The following ELAVL2 variants were observed in gnomAD, a reference collection of about 807,000 sequenced individuals.
ELAVL2 encodes the protein ELAV-like protein 2.
In ELAVL2, 4 loss-of-function variants were observed where a neutral mutation model predicts 34.6. That is an observed-to-expected ratio of 0.12 (90% CI 0.06 to 0.26). The LOEUF is 0.26. ELAVL2 is among the 10% of genes least tolerant of loss of function. The probability of loss-of-function intolerance (pLI) is 1.00; values close to 1 mark genes in which losing one functional copy is unlikely to be tolerated. For missense variants in ELAVL2, 432 were observed against 442.8 expected, an observed-to-expected ratio of 0.98 and a Z score of 0.22; for synonymous variants, 193 against 154.8, an observed-to-expected ratio of 1.25 and a Z score of -1.83.
intron 1 of ELAVL2, among the ~76,000 whole-genome samples, chr9:23,766,291 A>G (rs1256240242): frequency 5.3e-5 from 8 of 152,112 alleles, no homozygotes; most frequent in Admixed American, 2.0e-4. Flanking sequence ...GTCTGACCCT[A>G]TGTTATTTTT....
chr9:23,797,258 G>A (rs1171749632), intron 1 of ELAVL2, among the ~76,000 whole-genome samples: 1 of 152,030 alleles, frequency 6.6e-6, no homozygotes, highest in African/African-American at 2.4e-5. Context: ...AAACACAGGC[G>A]TTTTCAAAAA....
intron 5 of ELAVL2, among the ~76,000 whole-genome samples, chr9:23,699,319 C>G (rs370718979): frequency 6.6e-6 from 1 of 152,256 alleles, no homozygotes; most frequent in East Asian, 1.9e-4. Context: ...GGCACTCTCC[C>G]AAATCCTGTC....
intron 2 of ELAVL2, among the ~76,000 whole-genome samples, chr9:23,734,468 A>T (rs1055891455): frequency 6.6e-6 from 1 of 152,190 alleles, no homozygotes; most frequent in Non-Finnish European, 1.5e-5. Context: ...TCAGGACTTG[A>T]AGTCAGGACT....
intron 2 of ELAVL2, among the ~76,000 whole-genome samples, chr9:23,741,936 A>G (rs2049304748): frequency 6.6e-6 from 1 of 152,130 alleles, no homozygotes; most frequent in South Asian, 2.1e-4. Flanking sequence ...CAAGCAGCTG[A>G]ACCTGGGTTC....
intron 1 of ELAVL2, among the ~76,000 whole-genome samples, chr9:23,825,292 G>A (rs1461180104): frequency 1.3e-5 from 2 of 148,480 alleles, no homozygotes; most frequent in African/African-American, 4.8e-5. Flanking sequence ...GCCTGGTGCA[G>A]CATCTAAATT....
chr9:23,732,392 T>C (rs2046794485), intron 2 of ELAVL2, among the ~76,000 whole-genome samples: 1 of 152,186 alleles, frequency 6.6e-6, no homozygotes, highest in African/African-American at 2.4e-5. Context: ...TCACTGCTAA[T>C]ATATGTCCTC....
intron 1 of ELAVL2, among the ~76,000 whole-genome samples, chr9:23,788,082 T>G (rs967165283): frequency 1.3e-5 from 2 of 152,300 alleles, no homozygotes; most frequent in Admixed American, 6.5e-5. Context: ...TTTAAGACTG[T>G]AGGTAAGAAG....
chr9:23,748,677 T>A (rs1051383672), intron 2 of ELAVL2, among the ~76,000 whole-genome samples: 1 of 152,186 alleles, frequency 6.6e-6, no homozygotes, highest in African/African-American at 2.4e-5. Flanking sequence ...AAATTCAGTA[T>A]TTTAATTGGA....
At chr9:23,787,248 G>A (rs1263942722) in intron 1 of ELAVL2, among the ~76,000 whole-genome samples, 1 of 151,700 alleles carries the variant, frequency 6.6e-6, no homozygotes. Context: ...AATAAAATGG[G>A]TCATTTCATC....
intron 1 of ELAVL2, among the ~76,000 whole-genome samples, chr9:23,816,259 T>TC (rs1205848077): frequency 7.6e-6 from 1 of 132,342 alleles, no homozygotes; most frequent in Non-Finnish European, 1.5e-5. Flanking sequence ...CAACTATCAT[T>TC]CCCTAGTCCC....
intron 1 of ELAVL2, among the ~76,000 whole-genome samples, chr9:23,803,743 G>T (rs1267855402): frequency 6.6e-6 from 1 of 152,160 alleles, no homozygotes; most frequent in Non-Finnish European, 1.5e-5. Flanking sequence ...GGGGGTTGCG[G>T]GTGGGGTGGG....
intron 1 of ELAVL2, among the ~76,000 whole-genome samples, chr9:23,804,648 T>G (rs1192304443): frequency 6.6e-6 from 1 of 152,230 alleles, no homozygotes; most frequent in Non-Finnish European, 1.5e-5. Flanking sequence ...CTATTTGCAT[T>G]TTTAATTACG....
chr9:23,810,691 C>T (rs1385785065), intron 1 of ELAVL2, among the ~76,000 whole-genome samples: 2 of 152,144 alleles, frequency 1.3e-5, no homozygotes, highest in African/African-American at 4.8e-5. Flanking sequence ...AGGAGTCTGA[C>T]CTGATCCTAC....
chr9:23,723,274 A>G (rs2044206636), intron 3 of ELAVL2, among the ~76,000 whole-genome samples: 1 of 152,152 alleles, frequency 6.6e-6, no homozygotes, highest in African/African-American at 2.4e-5. Context: ...CTTTGTAGGG[A>G]CATGGATGAA....
intron 4 of ELAVL2, among the ~76,000 whole-genome samples, chr9:23,702,951 CAAAAAAAAAAA>C (rs58828236): frequency 4.2e-4 from 20 of 47,650 alleles, no homozygotes; most frequent in Admixed American, 8.9e-4. Flanking sequence ...ATCAGATTAG[CAAAAAAAAAAA>C]AAAAAAAAAA....
chr9:23,701,653 A>G (rs771624191), intron 4 of ELAVL2, 49 bp from the exon 5 acceptor site: 2 of 1,576,058 alleles, frequency 1.3e-6, no homozygotes, highest in East Asian at 2.2e-5. Flanking sequence ...CAGAAGGAGA[A>G]GGGAAGGAGA....
At chr9:23,719,823 CTTT>C (rs201455930) in intron 3 of ELAVL2, among the ~76,000 whole-genome samples, 1,474 of 130,480 alleles carry the variant, frequency 0.011, 24 homozygotes, top group African/African-American at 0.038. Flanking sequence ...TTAAAAGCCA[CTTT>C]TTTTTTTTTT....
chr9:23,813,896 T>C (rs2063358494), intron 1 of ELAVL2, among the ~76,000 whole-genome samples: 2 of 152,146 alleles, frequency 1.3e-5, no homozygotes, highest in African/African-American at 4.8e-5. Flanking sequence ...ACTTTTTAAT[T>C]CACGTGGCTT....
chr9:23,721,533 C>A (rs546767192), intron 3 of ELAVL2, among the ~76,000 whole-genome samples: 1 of 152,302 alleles, frequency 6.6e-6, no homozygotes, highest in African/African-American at 2.4e-5. Context: ...CCTCCAAGTC[C>A]TATTGCAGCA....
Sources: gnomAD v4.1 joint callset for allele counts (sites outside exome capture counted in the v4.1 genomes callset) on GRCh38, gnomAD v4.1.1 for gene constraint, MANE v1.5 for transcripts, NCBI Gene and HGNC (gene_info 2026-07-23, HGNC 2026-07-21) for gene names.